Variants in PROSER2 observed in about 807,000 individuals in gnomAD.
The protein encoded by PROSER2 is proline and serine-rich protein 2.
In PROSER2, 18 loss-of-function variants were observed where a neutral mutation model predicts 14.6. The observed-to-expected ratio is 1.23, with a 90% CI of 0.85 to 1.83. PROSER2 has a LOEUF of 1.83. Ranked by LOEUF, PROSER2 falls within the 40% of genes most tolerant of loss-of-function variation. The pLI is 0.00. For missense variants in PROSER2, 823 were observed against 629.8 expected (o/e 1.31, Z -3.28); for synonymous variants, 367 against 286.4 (o/e 1.28, Z -2.84).
chr10:11,855,268 T>G (rs1449883641), intron 2 of PROSER2, among the ~76,000 whole-genome samples: 1 of 151,004 alleles, frequency 6.6e-6, no homozygotes, highest in East Asian at 1.9e-4. Context: ...GGTCAGGAGA[T>G]TGAGACCATC....
In PROSER2 at chr10:11,856,354, G is replaced by A. The variant is rs764808140; in HGVS notation, c.138+4139G>A. 6.6e-6 allele frequency among the ~76,000 whole-genome samples: 1 copy of A among 152,176 alleles called. No individual in the cohort carries two copies. The highest frequency in any genetic ancestry group is 1.5e-5 in the Non-Finnish European group (1 of 68,022). ...GGGCACGGTGCTGCCTCACACCAGCGTTCCCAGGCTCTCACTCTGAATGAG... is the reference window on the plus strand; with the variant it reads ...GGGCACGGTGCTGCCTCACACCAGCATTCCCAGGCTCTCACTCTGAATGAG... On this transcript the variant is annotated intron_variant, in intron 2 of 3. Coordinates refer to ENST00000277570, the MANE Select transcript of PROSER2 (RefSeq NM_153256.4). The surrounding 1 kb of genome is among the most constrained non-coding windows in gnomAD (Gnocchi z 5.3).
At chr10:11,835,559 G>T (rs1316204000) in intron 1 of PROSER2, among the ~76,000 whole-genome samples, 3 of 152,126 alleles carry the variant, frequency 2.0e-5, no homozygotes, top group Non-Finnish European at 4.4e-5. Context: ...TTCAATTTAT[G>T]AATTGAGTTT....
At chr10:11,833,820 T>C (rs773915025) in intron 1 of PROSER2, among the ~76,000 whole-genome samples, 1 of 151,690 alleles carries the variant, frequency 6.6e-6, no homozygotes, top group Admixed American at 6.6e-5. Context: ...AGTGAGCAAG[T>C]GGTGGGTATC....
chr10:11,860,979 A>T (rs1834225460), intron 2 of PROSER2, among the ~76,000 whole-genome samples: 1 of 152,014 alleles, frequency 6.6e-6, no homozygotes, highest in South Asian at 2.1e-4. Context: ...GGTGGCGTGC[A>T]CCTGTAGTCC....
At position 11,856,798 on chromosome 10, in the gene PROSER2, C is replaced by A. The variant is rs143413934; in HGVS notation, c.138+4583C>A. Among the ~76,000 whole-genome samples, 199 of 152,334 alleles carry A rather than the reference C, an allele frequency of 1.3e-3. 1 individual carries two copies. The highest frequency in any genetic ancestry group is 4.6e-3 in the African/African-American group (193 of 41,574). On this transcript the variant is annotated intron_variant, in intron 2 of 3. Transcript: ENST00000277570. This position sits in a 1 kb window ranked among gnomAD's most constrained non-coding sequence, Gnocchi z 5.3. ...ATGGACTAAGAAGGCATGGCAAGCA[C>A]TGGGGGGCTTCCCACGTGGCCGGGC...
rs183598039 is a variant in PROSER2, at chr10:11,862,394, A to C, written c.139-4137A>C. On this transcript the variant is annotated intron_variant, in intron 2 of 3. Coordinates refer to ENST00000277570, the MANE Select transcript of PROSER2 (RefSeq NM_153256.4). This position sits in a 1 kb window ranked among gnomAD's most constrained non-coding sequence, Gnocchi z 4.2. ...ACAAAACTGGAGGACTCTGCCAGATATCAAGACTTACTATAGAATGGGCAC... is the reference window on the plus strand; with the variant it reads ...ACAAAACTGGAGGACTCTGCCAGATCTCAAGACTTACTATAGAATGGGCAC... Among the ~76,000 whole-genome samples the C allele has an allele frequency of 4.7e-4, 71 of 152,350 alleles. No homozygotes were observed. The East Asian group carries it at 0.012, about 25-fold the overall frequency.
chr10:11,869,370 AG>A lies in PROSER2; in HGVS notation c.392-119del. 1.4e-6 allele frequency: 1 copy of A among 693,656 alleles called. No homozygotes were observed. Among genetic ancestry groups the A allele is most frequent in the Non-Finnish European group, 2.6e-6 (1 of 388,016 alleles). The allele number at this position is 693,656 out of a possible 1,614,324, so 43.0% of individuals were successfully genotyped here. A position where few individuals can be genotyped will look rare whatever the true frequency, so the allele number is the denominator to read the frequency against. ...GGGAGAGAGGAGTTGACTCACAGGCAGCACCGGCGAAGTTGGTGTCAGGTCC... is the reference window on the plus strand; with the variant it reads ...GGGAGAGAGGAGTTGACTCACAGGCACACCGGCGAAGTTGGTGTCAGGTCC... On this transcript the variant is annotated intron_variant, in intron 3 of 3. Transcript: ENST00000277570. This position sits in a 1 kb window ranked among gnomAD's most constrained non-coding sequence, Gnocchi z 4.4.
intron 2 of PROSER2, among the ~76,000 whole-genome samples, chr10:11,859,248 C>T (rs1036918618): frequency 2.0e-5 from 3 of 151,846 alleles, no homozygotes; most frequent in Non-Finnish European, 4.4e-5. Context: ...ACGCTGAAAC[C>T]CCATCTCTGC....
intron 2 of PROSER2, among the ~76,000 whole-genome samples, chr10:11,855,527 T>C (rs1834109352): frequency 6.6e-6 from 1 of 151,742 alleles, no homozygotes; most frequent in Admixed American, 6.6e-5. Flanking sequence ...CTGATTTTAA[T>C]TGAGAGTACC....
chr10:11,852,757 CG>C (rs1564308736), intron 2 of PROSER2, among the ~76,000 whole-genome samples: 1 of 145,242 alleles, frequency 6.9e-6, no homozygotes, highest in Non-Finnish European at 1.5e-5. Context: ...AGGCTGATCT[CG>C]AACTCCGCCC....
At position 11,869,563 on chromosome 10, in the gene PROSER2, C is replaced by G; in HGVS notation, c.465C>G (p.Pro155=). Residue 155 remains proline, a synonymous_variant, in exon 4 of 4, where the codon CCC becomes CCG. Transcript: ENST00000277570. The surrounding 1 kb of genome is among the most constrained non-coding windows in gnomAD (Gnocchi z 4.4). The stretch of plus-strand genomic sequence containing the variant: ...CTCCACCTCCAGACCCCCCGGCTCC[C>G]GAGACCCTTCTTGCGCCACCACCCC... ...ETPPPPDPPA[P]ETLLAPPPLP... 1.2e-6 allele frequency: 2 copies of G among 1,612,736 alleles called. No homozygotes were observed. Among genetic ancestry groups the G allele is most frequent in the South Asian group, 1.1e-5 (1 of 91,004 alleles).
Position 11,870,357 on chromosome 10 carries a change from C to G in PROSER2, c.1259C>G (p.Ala420Gly), listed in dbSNP as rs766758903. The change falls in exon 4 of 4, where the codon GCG becomes GGG. Residue 420 changes from alanine to glycine, a missense_variant. Coordinates refer to ENST00000277570, the MANE Select transcript of PROSER2 (RefSeq NM_153256.4). ...QFAGRGSSEE[A>G]RREALRKLGL... ...GCGGGCCGCGGCTCCTCGGAGGAGGCGCGCAGGGAGGCCCTGCGGAAGCTG... is the reference window on the plus strand; with the variant it reads ...GCGGGCCGCGGCTCCTCGGAGGAGGGGCGCAGGGAGGCCCTGCGGAAGCTG... The G allele has an allele frequency of 1.7e-5, 25 of 1,508,288 alleles. No homozygotes were observed. The highest frequency in any genetic ancestry group is 1.3e-4 in the Admixed American group (6 of 44,662). The allele number at this position is 1,508,288 out of a possible 1,614,324, so 93.4% of individuals were successfully genotyped here.
chr10:11,861,896 C>A (rs1167761783), intron 2 of PROSER2, among the ~76,000 whole-genome samples: 1 of 152,162 alleles, frequency 6.6e-6, no homozygotes, highest in African/African-American at 2.4e-5. Flanking sequence ...AGACATAGGG[C>A]AGAAAACGTG....
rs1833673865 is a variant in PROSER2, at chr10:11,830,274, C to G, written c.-82+6804C>G. Among the ~76,000 whole-genome samples the G allele has an allele frequency of 6.6e-6, 1 of 152,158 alleles. No homozygotes were observed. The highest frequency in any genetic ancestry group is 2.4e-5 in the African/African-American group (1 of 41,410). On this transcript the variant is annotated intron_variant, in intron 1 of 3. Coordinates refer to ENST00000277570, the MANE Select transcript of PROSER2 (RefSeq NM_153256.4). The surrounding 1 kb of genome is among the most constrained non-coding windows in gnomAD (Gnocchi z 4.5). ...TTTAGTTCCCACTTGTGAGAACATG[C>G]AGTGTTTGACTTTCAGAGTTAGAGT...
At chr10:11,853,777 G>A (rs1834074092) in intron 2 of PROSER2, among the ~76,000 whole-genome samples, 1 of 152,150 alleles carries the variant, frequency 6.6e-6, no homozygotes. Flanking sequence ...CGCTAAAGGT[G>A]AGGTGGTAAA....
chr10:11,869,208 G>A lies in PROSER2; in HGVS notation c.392-282G>A, dbSNP rs1457852657. On this transcript the variant is annotated intron_variant, in intron 3 of 3. Transcript: ENST00000277570. This position sits in a 1 kb window ranked among gnomAD's most constrained non-coding sequence, Gnocchi z 4.4. ...CGTCCTGTCCCAGCCTCAGGGGCTGGAGCCTCAGCAGCCCACATGGACGGA... is the reference window on the plus strand; with the variant it reads ...CGTCCTGTCCCAGCCTCAGGGGCTGAAGCCTCAGCAGCCCACATGGACGGA... Among the ~76,000 whole-genome samples, 1 of 152,196 alleles carries A rather than the reference G, an allele frequency of 6.6e-6. No individual in the cohort carries two copies. Among genetic ancestry groups the A allele is most frequent in the Admixed American group, 6.5e-5 (1 of 15,288 alleles).
At chr10:11,851,782 T>C (rs527812183) in intron 1 of PROSER2, 49 of 220,574 alleles carry the variant, frequency 2.2e-4, no homozygotes, top group African/African-American at 1.0e-3. Flanking sequence ...CAACAAACTT[T>C]TAAAAATTAT....
Position 11,862,801 on chromosome 10 carries a change from G to A in PROSER2, c.139-3730G>A, listed in dbSNP as rs1422197306. 3.9e-5 allele frequency: 6 copies of A among 152,064 alleles called. No homozygotes were observed. The highest frequency in any genetic ancestry group is 2.0e-4 in the Admixed American group (3 of 15,264). The allele number at this position is 152,064 out of a possible 1,614,324, so 9.4% of individuals were successfully genotyped here. A position where few individuals can be genotyped will look rare whatever the true frequency, so the allele number is the denominator to read the frequency against. On this transcript the variant is annotated intron_variant, in intron 2 of 3. Coordinates refer to ENST00000277570, the MANE Select transcript of PROSER2 (RefSeq NM_153256.4). The surrounding 1 kb of genome is among the most constrained non-coding windows in gnomAD (Gnocchi z 4.2). ...AACACTTCTTATCCCAAACATTTCC[G>A]ATGAGGAGTACTCACCTGTATTATG...
intron 1 of PROSER2, among the ~76,000 whole-genome samples, chr10:11,844,432 A>G (rs1035732123): frequency 1.3e-5 from 2 of 152,136 alleles, no homozygotes; most frequent in Non-Finnish European, 1.5e-5. Flanking sequence ...ACGCCCAACA[A>G]TTGTTCTTGA....
Sources: gnomAD v4.1 joint callset for allele counts (sites outside exome capture counted in the v4.1 genomes callset) on GRCh38, gnomAD v4.1.1 for gene constraint, Gnocchi (gnomAD v3.1) non-coding constraint, MANE v1.5 for transcripts, NCBI Gene and HGNC (gene_info 2026-07-23, HGNC 2026-07-21) for gene names.